KIAA1614: variants seen among roughly 807,000 people sequenced by gnomAD.
The protein encoded by KIAA1614 is uncharacterized protein KIAA1614.
KIAA1614 carries 76 observed loss-of-function variants against 88.7 expected under a neutral mutation model. The observed-to-expected ratio is 0.86, with a 90% CI of 0.71 to 1.04. The LOEUF is 1.04. Ranked by LOEUF, KIAA1614 falls within the 50% of genes least tolerant of loss-of-function variation. The pLI, the probability that KIAA1614 is intolerant of heterozygous loss-of-function variation, is 0.00. For missense variants in KIAA1614, 1,553 were observed against 1,582.5 expected (o/e 0.98, Z 0.32); for synonymous variants, 714 against 675.5 (o/e 1.06, Z -0.88).
chr1:180,934,595 C>G (rs1197373658), intron 4 of KIAA1614, among the ~76,000 whole-genome samples: 1 of 152,006 alleles, frequency 6.6e-6, no homozygotes, highest in Non-Finnish European at 1.5e-5. Context: ...GCCACTAAAA[C>G]AAACAAAAAA....
intron 3 of KIAA1614, among the ~76,000 whole-genome samples, chr1:180,918,783 GA>G (rs1371777975): frequency 6.6e-6 from 1 of 152,192 alleles, no homozygotes; most frequent in East Asian, 1.9e-4. Flanking sequence ...ACCACCTCCA[GA>G]AAACGTGGAC....
At chr1:180,924,882 G>GACAAA (rs2102261522) in intron 3 of KIAA1614, among the ~76,000 whole-genome samples, 1 of 6,774 alleles carries the variant, frequency 1.5e-4, no homozygotes, top group South Asian at 0.012. Flanking sequence ...TGGTGCTAAT[G>GACAAA]ATAAAATAAT....
chr1:180,919,745 G>C (rs1653912899), intron 3 of KIAA1614, among the ~76,000 whole-genome samples: 1 of 152,188 alleles, frequency 6.6e-6, no homozygotes, highest in Non-Finnish European at 1.5e-5. Flanking sequence ...CCTCAACCAT[G>C]GGGGAAGGAG....
intron 7 of KIAA1614, among the ~76,000 whole-genome samples, chr1:180,941,732 C>T (rs147774151): frequency 9.7e-4 from 148 of 152,308 alleles, no homozygotes; most frequent in African/African-American, 3.4e-3. Flanking sequence ...ATATGCAAAT[C>T]CGACCACGCC....
intron 4 of KIAA1614, among the ~76,000 whole-genome samples, chr1:180,930,260 A>T (rs1654168298): frequency 6.6e-6 from 1 of 152,120 alleles, no homozygotes; most frequent in Non-Finnish European, 1.5e-5. Context: ...TCTACTAAAG[A>T]TACAAAAAAT....
In KIAA1614 at chr1:180,913,185, A is replaced by C; in HGVS notation, c.-59A>C. On this transcript the variant is annotated 5_prime_UTR_variant, in exon 1 of 9. Transcript: ENST00000367588. ...ATTCGGGGCTGGAAGTCCCTCCCCGAACCCAGCAGCTGGCCTGGGAGGGAG... is the reference window on the plus strand; with the variant it reads ...ATTCGGGGCTGGAAGTCCCTCCCCGCACCCAGCAGCTGGCCTGGGAGGGAG... The C allele has an allele frequency of 8.3e-7, 1 of 1,202,464 alleles. No homozygotes were observed. Among genetic ancestry groups the C allele is most frequent in the Non-Finnish European group, 1.1e-6 (1 of 948,052 alleles). The allele number at this position is 1,202,464 out of a possible 1,614,324, so 74.5% of individuals were successfully genotyped here. A position where few individuals can be genotyped will look rare whatever the true frequency, so the allele number is the denominator to read the frequency against.
At chr1:180,917,946 TC>T in intron 3 of KIAA1614, 32 bp downstream of exon 3, 1 of 1,581,634 alleles carries the variant, frequency 6.3e-7, no homozygotes, top group Non-Finnish European at 8.7e-7. Flanking sequence ...TTTCTCTCCC[TC>T]CCTCCTCACC....
In KIAA1614 at chr1:180,935,990, G is replaced by A. The variant is rs774463895; in HGVS notation, c.2081G>A (p.Gly694Glu). ...EVENEVKEGRGHTPEGTLFLR... is the reference protein window; with the variant it reads ...EVENEVKEGREHTPEGTLFLR... Reference sequence around the variant, plus strand: ...GAAAATGAGGTGAAAGAGGGCAGAGGACACACGCCTGAAGGAACTCTATTT... The same window carrying A: ...GAAAATGAGGTGAAAGAGGGCAGAGAACACACGCCTGAAGGAACTCTATTT... The change falls in exon 5 of 9, where the codon GGA (glycine) becomes GAA (glutamate). Residue 694 changes from glycine to glutamate, a missense_variant. Gly to Glu is a moderately conservative substitution (Grantham distance 98). Transcript: ENST00000367588. The surrounding 1 kb of genome is among the most constrained non-coding windows in gnomAD (Gnocchi z 6.1). 6.2e-7 allele frequency: 1 copy of A among 1,613,968 alleles called. No homozygotes were observed. The highest frequency in any genetic ancestry group is 8.5e-7 in the Non-Finnish European group (1 of 1,179,922).
intron 2 of KIAA1614, 121 bp from the exon 3 acceptor site, chr1:180,917,730 T>TA (rs1428297338): frequency 1.2e-6 from 1 of 815,040 alleles, no homozygotes; most frequent in Non-Finnish European, 2.1e-6. Flanking sequence ...GGCAAAGTGT[T>TA]AGATTTATCT....
At position 180,944,529 on chromosome 1, in the gene KIAA1614, C is replaced by T; in HGVS notation, c.3287+13C>T. 1 of 1,611,856 alleles carries T rather than the reference C, an allele frequency of 6.2e-7. No individual in the cohort carries two copies. The highest frequency in any genetic ancestry group is 8.5e-7 in the Non-Finnish European group (1 of 1,178,808). ...GTGCAGCTGGCAGGTATGAGGGGCACACATGGTTTGGAGGATAAACTCAGA... is the reference window on the plus strand; with the variant it reads ...GTGCAGCTGGCAGGTATGAGGGGCATACATGGTTTGGAGGATAAACTCAGA... On this transcript the variant is annotated intron_variant, in intron 8 of 8. Transcript: ENST00000367588.
At position 180,916,654 on chromosome 1, in the gene KIAA1614, G is replaced by A. The variant is rs762953607; in HGVS notation, c.551G>A (p.Ser184Asn). Residue 184 changes from serine to asparagine, a missense_variant, in exon 2 of 9, where the codon AGC (serine) becomes AAC (asparagine). Ser to Asn is a conservative substitution (Grantham distance 46). Transcript: ENST00000367588. ...GGACGTGAGTACTGCAACAGGGGGA[G>A]CCCGTGGCCTCCAGAAGCCGAATGG... is the stretch of plus-strand genomic sequence containing the variant. Reference protein sequence around the residue: ...APGREYCNRGSPWPPEAEWTL... With the variant: ...APGREYCNRGNPWPPEAEWTL... The A allele has an allele frequency of 2.5e-6, 4 of 1,600,728 alleles. No individual in the cohort carries two copies. The highest frequency in any genetic ancestry group is 3.4e-6 in the Non-Finnish European group (4 of 1,172,260).
chr1:180,945,788 C>T lies in KIAA1614; in HGVS notation c.*200C>T. The T allele has an allele frequency of 7.4e-7, 1 of 1,350,748 alleles. No individual in the cohort carries two copies. Among genetic ancestry groups the T allele is most frequent in the South Asian group, 2.0e-5 (1 of 50,904 alleles). 83.7% of individuals were successfully genotyped at this position (1,350,748 alleles called of 1,614,324 possible). On this transcript the variant is annotated 3_prime_UTR_variant, in exon 9 of 9. Coordinates refer to ENST00000367588, the MANE Select transcript of KIAA1614 (RefSeq NM_020950.2). ...TGGCAGGTTTGACTCCACTGTCCCC[C>T]TGCTGTCTGATGACATCTTGAAATT...
In KIAA1614 at chr1:180,927,283, G is replaced by A. The variant is rs576303357; in HGVS notation, c.1062-1147G>A. The stretch of plus-strand genomic sequence containing the variant: ...AGGACAGCCCAGCATATGTGACGGC[G>A]AGGACAGGGGCAGCCAGTGGGGATG... On this transcript the variant is annotated intron_variant, in intron 3 of 8. Transcript: ENST00000367588. Among the ~76,000 whole-genome samples the A allele has an allele frequency of 2.6e-5, 4 of 152,312 alleles. No homozygotes were observed. In the South Asian group the frequency reaches 8.3e-4, roughly 32 times the overall value.
At position 180,946,768 on chromosome 1, in the gene KIAA1614, GCA is replaced by G. The variant is rs1654605424; in HGVS notation, c.*1181_*1182del. Reference sequence around the variant, plus strand: ...CCTGCTACCACATTTGCAGACCACAGCATGAGTTCTCATGTCTGTTCCATCAT... The same window carrying G: ...CCTGCTACCACATTTGCAGACCACAGTGAGTTCTCATGTCTGTTCCATCAT... On this transcript the variant is annotated 3_prime_UTR_variant, in exon 9 of 9. Coordinates refer to ENST00000367588, the MANE Select transcript of KIAA1614 (RefSeq NM_020950.2). The G allele has an allele frequency of 6.6e-6, 1 of 152,218 alleles. No individual in the cohort carries two copies. Among genetic ancestry groups the G allele is most frequent in the Non-Finnish European group, 1.5e-5 (1 of 68,046 alleles). 9.4% of individuals were successfully genotyped at this position (152,218 alleles called of 1,614,324 possible).
At chr1:180,933,538 C>G (rs925577545) in intron 4 of KIAA1614, among the ~76,000 whole-genome samples, 1 of 152,146 alleles carries the variant, frequency 6.6e-6, no homozygotes, top group Non-Finnish European at 1.5e-5. Flanking sequence ...GAGGCCACTA[C>G]CAGGAAAAGA....
intron 2 of KIAA1614, 55 bp downstream of exon 2, chr1:180,917,155 G>A: frequency 7.1e-7 from 1 of 1,413,468 alleles, no homozygotes; most frequent in Non-Finnish European, 9.8e-7. Flanking sequence ...GAATCCAGAG[G>A]GAGGAAAAGG....
intron 3 of KIAA1614, among the ~76,000 whole-genome samples, chr1:180,924,164 C>G (rs1654016143): frequency 6.6e-6 from 1 of 152,184 alleles, no homozygotes; most frequent in Non-Finnish European, 1.5e-5. Context: ...TCATGATGGT[C>G]CCAATCTTTA....
intron 3 of KIAA1614, among the ~76,000 whole-genome samples, chr1:180,920,636 G>C (rs1436679334): frequency 6.6e-6 from 1 of 151,996 alleles, no homozygotes; most frequent in East Asian, 1.9e-4. Context: ...AATGGTTACT[G>C]CTCTGCAGGC....
At chr1:180,940,068 T>C (rs1654419359) in intron 6 of KIAA1614, among the ~76,000 whole-genome samples, 1 of 152,254 alleles carries the variant, frequency 6.6e-6, no homozygotes, top group Non-Finnish European at 1.5e-5. Flanking sequence ...GGTCACAGTC[T>C]GCTTCACCCA....
Sources: gnomAD v4.1 joint callset for allele counts (sites outside exome capture counted in the v4.1 genomes callset) on GRCh38, gnomAD v4.1.1 for gene constraint, Gnocchi (gnomAD v3.1) non-coding constraint, MANE v1.5 for transcripts, NCBI Gene and HGNC (gene_info 2026-07-23, HGNC 2026-07-21) for gene names.